HIPK2: variants seen among roughly 807,000 people sequenced by gnomAD.
HIPK2 encodes homeodomain-interacting protein kinase 2.
A neutral mutation model predicts 113.7 loss-of-function variants in HIPK2; 27 were observed. The ratio of observed to expected loss-of-function variants is 0.24; its 90% CI spans 0.17 to 0.33. The LOEUF is 0.33. Ranked by LOEUF, HIPK2 falls within the 10% of genes least tolerant of loss-of-function variation. The pLI is 1.00. For synonymous variants in HIPK2, 631 were observed against 642.2 expected (o/e 0.98, Z 0.26); for missense variants, 1,257 against 1,588.0 (o/e 0.79, Z 3.54).
intron 2 of HIPK2, among the ~76,000 whole-genome samples, chr7:139,658,452 G>C (rs1801750758): frequency 6.6e-6 from 1 of 152,096 alleles, no homozygotes; most frequent in African/African-American, 2.4e-5. Flanking sequence ...ATGAAATGAA[G>C]ATGAGCCAAG....
At chr7:139,648,852 A>G (rs1350074239) in intron 2 of HIPK2, among the ~76,000 whole-genome samples, 3 of 151,536 alleles carry the variant, frequency 2.0e-5, no homozygotes, top group Admixed American at 6.6e-5. Context: ...TGTAGTCTGT[A>G]TTTACCATTA....
intron 2 of HIPK2, among the ~76,000 whole-genome samples, chr7:139,647,087 A>G (rs754002152): frequency 3.3e-5 from 5 of 150,948 alleles, no homozygotes; most frequent in East Asian, 1.9e-4. Flanking sequence ...TCTACTGCCA[A>G]TTCAGCTCTT....
chr7:139,771,425 G>A (rs1796647382), intron 1 of HIPK2, among the ~76,000 whole-genome samples: 1 of 151,922 alleles, frequency 6.6e-6, no homozygotes, highest in Non-Finnish European at 1.5e-5. Context: ...GGTGAGGGAT[G>A]CCAGATACAA....
intron 2 of HIPK2, among the ~76,000 whole-genome samples, chr7:139,645,878 T>C (rs995237139): frequency 2.0e-5 from 3 of 152,078 alleles, no homozygotes; most frequent in African/African-American, 7.2e-5. Flanking sequence ...CGGTGACTGG[T>C]TGGTTATTCC....
intron 2 of HIPK2, among the ~76,000 whole-genome samples, chr7:139,708,388 G>A (rs563532325): frequency 6.6e-6 from 1 of 152,230 alleles, no homozygotes; most frequent in South Asian, 2.1e-4. Flanking sequence ...GTGTTTTTAA[G>A]AATTAGCTGC....
intron 13 of HIPK2, among the ~76,000 whole-genome samples, chr7:139,579,333 C>A (rs1798592728): frequency 6.6e-6 from 1 of 152,162 alleles, no homozygotes; most frequent in African/African-American, 2.4e-5. Flanking sequence ...CATTTTGGGG[C>A]CTGAGCATCT....
intron 2 of HIPK2, among the ~76,000 whole-genome samples, chr7:139,686,138 T>C (rs1177951507): frequency 6.6e-6 from 1 of 152,174 alleles, no homozygotes; most frequent in Non-Finnish European, 1.5e-5. Flanking sequence ...AAGAGGTTGA[T>C]TCCAACCTAC....
chr7:139,763,575 T>A (rs1387691970), intron 1 of HIPK2, among the ~76,000 whole-genome samples: 1 of 145,468 alleles, frequency 6.9e-6, no homozygotes, highest in Non-Finnish European at 1.5e-5. Flanking sequence ...CCAGATGGCC[T>A]GCAAAGCCTC....
chr7:139,608,252 C>CTTGT (rs142420444), intron 9 of HIPK2, among the ~76,000 whole-genome samples: 1 of 136,964 alleles, frequency 7.3e-6, no homozygotes, highest in Non-Finnish European at 1.5e-5. Flanking sequence ...CAAAAAAATA[C>CTTGT]GTGTGTGTGT....
intron 1 of HIPK2, among the ~76,000 whole-genome samples, chr7:139,770,326 C>T (rs891111066): frequency 1.3e-5 from 2 of 152,216 alleles, no homozygotes; most frequent in African/African-American, 2.4e-5. Flanking sequence ...GGCATTATAA[C>T]CCTGTGACTT....
chr7:139,642,365 G>C (rs979165946), intron 2 of HIPK2, among the ~76,000 whole-genome samples: 1 of 152,192 alleles, frequency 6.6e-6, no homozygotes, highest in Non-Finnish European at 1.5e-5. Flanking sequence ...TGAAGAGCAG[G>C]GAGGAGGAGG....
At chr7:139,700,198 T>A (rs1280086204) in intron 2 of HIPK2, among the ~76,000 whole-genome samples, 1 of 152,034 alleles carries the variant, frequency 6.6e-6, no homozygotes, top group Non-Finnish European at 1.5e-5. Context: ...GCCAGGCCTT[T>A]CTAGAGGAGC....
chr7:139,566,130 A>C lies in HIPK2; in HGVS notation c.*6797T>G, dbSNP rs1252938882. 1.3e-5 allele frequency: 2 copies of C among 152,194 alleles called. No homozygotes were observed. Among genetic ancestry groups the C allele is most frequent in the African/African-American group, 4.8e-5 (2 of 41,438 alleles). The allele number at this position is 152,194 out of a possible 1,614,324, so 9.4% of individuals were successfully genotyped here. ...AAACGAATTCTGCCCCTTTTGCCTAAATCCAACTCAGGAGCCCCCTCTTTG... is the reference window on the plus strand; with the variant it reads ...AAACGAATTCTGCCCCTTTTGCCTACATCCAACTCAGGAGCCCCCTCTTTG... On this transcript the variant is annotated 3_prime_UTR_variant, in exon 15 of 15. Transcript: ENST00000406875. This position sits in a 1 kb window ranked among gnomAD's most constrained non-coding sequence, Gnocchi z 4.1.
At chr7:139,603,932 A>T in intron 10 of HIPK2, 149 bp downstream of exon 10, 1 of 989,262 alleles carries the variant, frequency 1.0e-6, no homozygotes, top group Non-Finnish European at 1.5e-6. Flanking sequence ...CCCTGCACTC[A>T]TAGTCCACAC....
At chr7:139,652,669 T>C (rs573215688) in intron 2 of HIPK2, among the ~76,000 whole-genome samples, 1 of 152,334 alleles carries the variant, frequency 6.6e-6, no homozygotes, top group South Asian at 2.1e-4. Flanking sequence ...CTCATGGAAC[T>C]TGAACTCTAG....
At chr7:139,684,669 A>C (rs931379703) in intron 2 of HIPK2, among the ~76,000 whole-genome samples, 20 of 152,212 alleles carry the variant, frequency 1.3e-4, no homozygotes, top group Non-Finnish European at 4.4e-5. Flanking sequence ...GTAGCCTATG[A>C]TTGCACCAAT....
rs771010120 is a variant in HIPK2 at position 139,614,371 on chromosome 7, C to T, written c.1905G>A (p.Met635Ile). 4 of 1,585,530 alleles carry T rather than the reference C, an allele frequency of 2.5e-6. No homozygotes were observed. The highest frequency in any genetic ancestry group is 3.4e-6 in the Non-Finnish European group (4 of 1,161,394). Reference protein sequence around the residue: ...ASMAAVAQRSMPLQTGTAQIC... With the variant: ...ASMAAVAQRSIPLQTGTAQIC... ...TCTGGGCTGTTCCTGTCTGCAGGGGCATGCTCCGCTGGGCCACTGCAGCCA... is the reference window on the plus strand; with the variant it reads ...TCTGGGCTGTTCCTGTCTGCAGGGGTATGCTCCGCTGGGCCACTGCAGCCA... Residue 635 changes from methionine (M) to isoleucine (I), a missense_variant, in exon 8 of 15, where the codon ATG (methionine) becomes ATA (isoleucine). Met to Ile is a conservative substitution (Grantham distance 10, BLOSUM62 1). This residue lies in a region of HIPK2 where 862 missense variants were observed against 1,004.3 expected (regional missense o/e 0.86). Coordinates refer to ENST00000406875, the MANE Select transcript of HIPK2 (RefSeq NM_022740.5).
In HIPK2 at chr7:139,596,919, G is replaced by T; in HGVS notation, c.2515C>A (p.Pro839Thr). 6.2e-7 allele frequency: 1 copy of T among 1,613,396 alleles called. No homozygotes were observed. The highest frequency in any genetic ancestry group is 8.5e-7 in the Non-Finnish European group (1 of 1,179,500). ...CTGTGCACCATGGCACAGCGGGGAG[G>T]TGTGTTCTCCTTGACACGCTTGGAT... is the stretch of plus-strand genomic sequence containing the variant. ...QRSKRVKENT[P>T]PRCAMVHSSP... Residue 839 changes from proline to threonine, a missense_variant, in exon 12 of 15, where the codon CCT becomes ACT. Coordinates refer to ENST00000406875, the MANE Select transcript of HIPK2 (RefSeq NM_022740.5).
At chr7:139,686,558 TG>T (rs1484258950) in intron 2 of HIPK2, among the ~76,000 whole-genome samples, 5 of 152,128 alleles carry the variant, frequency 3.3e-5, no homozygotes, top group Non-Finnish European at 1.5e-5. Flanking sequence ...TGAGATCTGA[TG>T]GTTTTATAAG....
Sources: allele counts gnomAD v4.1 joint callset (sites outside exome capture counted in the v4.1 genomes callset), GRCh38; gene constraint gnomAD v4.1.1; regional missense constraint gnomAD v4.1.1; non-coding constraint Gnocchi (gnomAD v3.1); transcripts MANE v1.5; gene names NCBI Gene and HGNC (gene_info 2026-07-23, HGNC 2026-07-21).